CACNA1E: variants seen among roughly 807,000 people sequenced by gnomAD.
CACNA1E encodes voltage-dependent R-type calcium channel subunit alpha-1E.
A neutral mutation model predicts 259.2 loss-of-function variants in CACNA1E; 40 were observed. That is an observed-to-expected ratio of 0.15 (90% CI 0.12 to 0.20). The LOEUF (loss-of-function observed/expected upper bound fraction) is 0.20, where lower values mean the gene tolerates loss of function less well. Among genes scored for constraint, CACNA1E ranks in the 10% least tolerant of loss-of-function variants. The pLI is 1.00. For synonymous variants in CACNA1E, 1,104 were observed against 1,138.5 expected (o/e 0.97, Z 0.61); for missense variants, 1,874 against 3,040.1 (o/e 0.62, Z 9.02).
At chr1:181,788,639 G>A (rs1037356028) in intron 43 of CACNA1E, among the ~76,000 whole-genome samples, 2 of 152,172 alleles carry the variant, frequency 1.3e-5, no homozygotes, top group African/African-American at 4.8e-5. Context: ...AGTTCAGGGA[G>A]CAAAGGGGAA....
Position 181,602,154 on chromosome 1 carries a change from C to T in CACNA1E, c.951+21378C>T, listed in dbSNP as rs114368719. On this transcript the variant is annotated intron_variant, in intron 6 of 47. Transcript: ENST00000367573. ...TTCTCTCCAGAGAGCTTATCACTAGCGACCACAGTATATACTTTGCCTGTT... is the reference window on the plus strand; with the variant it reads ...TTCTCTCCAGAGAGCTTATCACTAGTGACCACAGTATATACTTTGCCTGTT... 6.3e-3 allele frequency among the ~76,000 whole-genome samples: 952 copies of T among 152,298 alleles called. 12 individuals are homozygous for T. The highest frequency in any genetic ancestry group is 0.021 in the African/African-American group (875 of 41,574).
intron 1 of CACNA1E, among the ~76,000 whole-genome samples, chr1:181,372,366 G>A (rs1320532881): frequency 1.3e-5 from 2 of 152,094 alleles, no homozygotes; most frequent in Non-Finnish European, 2.9e-5. Context: ...GCTATTGTGA[G>A]TGGGATTACA....
intron 1 of CACNA1E, among the ~76,000 whole-genome samples, chr1:181,366,824 A>G (rs1654303182): frequency 6.6e-6 from 1 of 152,240 alleles, no homozygotes; most frequent in Non-Finnish European, 1.5e-5. Context: ...AGTGGTAGCT[A>G]TCATCCTTTG....
In CACNA1E at chr1:181,547,235, C is replaced by T. The variant is rs188876243; in HGVS notation, c.513-30531C>T. ...CTCCAGCAGTGCTCATGCCTGCCCC[C>T]GACTCTGGCCACCGATGCCACCTTA... On this transcript the variant is annotated intron_variant, in intron 3 of 47. Transcript: ENST00000367573. Among the ~76,000 whole-genome samples, 417 of 152,116 alleles carry T rather than the reference C, an allele frequency of 2.7e-3. 1 individual carries two copies. The highest frequency in any genetic ancestry group is 8.8e-3 in the African/African-American group (364 of 41,470).
chr1:181,389,494 A>G (rs1416506933), intron 1 of CACNA1E, among the ~76,000 whole-genome samples: 1 of 152,246 alleles, frequency 6.6e-6, no homozygotes, highest in African/African-American at 2.4e-5. Context: ...CTAGTTCACA[A>G]GTACGGAATC....
intron 6 of CACNA1E, among the ~76,000 whole-genome samples, chr1:181,615,978 G>C (rs1006358256): frequency 1.3e-5 from 2 of 152,016 alleles, no homozygotes; most frequent in Admixed American, 1.3e-4. Context: ...TTTTTCTGCA[G>C]CTATTGCACT....
intron 46 of CACNA1E, 112 bp from the exon 47 acceptor site, chr1:181,796,556 C>T (rs1436869295): frequency 2.9e-6 from 2 of 700,586 alleles, no homozygotes; most frequent in Non-Finnish European, 4.5e-6. Flanking sequence ...ACATGTGGTT[C>T]CTCTGAGGGC....
Position 181,794,954 on chromosome 1 carries a change from G to C in CACNA1E, c.6118G>C (p.Glu2040Gln). The C allele has an allele frequency of 6.2e-7, 1 of 1,613,938 alleles. No individual in the cohort carries two copies. Among genetic ancestry groups the C allele is most frequent in the Non-Finnish European group, 8.5e-7 (1 of 1,179,840 alleles). Residue 2040 changes from glutamate to glutamine, a missense_variant, in exon 46 of 48, where the codon GAG (glutamate) becomes CAG (glutamine). Physicochemically the swap from Glu to Gln is conservative, Grantham distance 29. Coordinates refer to ENST00000367573, the MANE Select transcript of CACNA1E (RefSeq NM_001205293.3). ...CTCGTGGTTGGAGGAATTCTCCATG[G>C]AGCGAAGCAGTGAAAATACCTACAA... ...NSSWLEEFSM[E>Q]RSSENTYKSR...
Position 181,657,667 on chromosome 1 carries a change from A to G in CACNA1E, c.1055+6226A>G, listed in dbSNP as rs138670998. 4.0e-3 allele frequency among the ~76,000 whole-genome samples: 615 copies of G among 152,348 alleles called. 3 individuals are homozygous for G. Among genetic ancestry groups the G allele is most frequent in the Admixed American group, 0.015 (235 of 15,294 alleles). On this transcript the variant is annotated intron_variant, in intron 7 of 47. Transcript: ENST00000367573. Reference sequence around the variant, plus strand: ...ATATTCATCTAACATCCGTGGGGGAAGGATTGGCATGGAGAGAGACCAGAT... The same window carrying G: ...ATATTCATCTAACATCCGTGGGGGAGGGATTGGCATGGAGAGAGACCAGAT...
intron 2 of CACNA1E, among the ~76,000 whole-genome samples, chr1:181,461,584 A>AG (rs941925355): frequency 4.6e-5 from 7 of 150,996 alleles, no homozygotes; most frequent in Admixed American, 3.3e-4. Context: ...TCCATTTTAT[A>AG]GATGATAGTT....
intron 18 of CACNA1E, among the ~76,000 whole-genome samples, chr1:181,729,087 A>G (rs1267657191): frequency 1.5e-5 from 1 of 67,828 alleles, no homozygotes; most frequent in Non-Finnish European, 2.8e-5. Context: ...TACACTGCTC[A>G]GGTGTGTGTG....
At chr1:181,759,255 CTT>C (rs1254422719) in intron 32 of CACNA1E, among the ~76,000 whole-genome samples, 1 of 152,204 alleles carries the variant, frequency 6.6e-6, no homozygotes, top group East Asian at 1.9e-4. Context: ...AACTATCTCT[CTT>C]AGCCTCAAAC....
At chr1:181,455,379 G>A (rs909449240) in intron 2 of CACNA1E, among the ~76,000 whole-genome samples, 2 of 152,354 alleles carry the variant, frequency 1.3e-5, no homozygotes, top group South Asian at 2.1e-4. Flanking sequence ...ATTCAATAAT[G>A]TGGAGAGGTT....
At chr1:181,564,167 C>G (rs558406430) in intron 3 of CACNA1E, among the ~76,000 whole-genome samples, 71 of 152,260 alleles carry the variant, frequency 4.7e-4, no homozygotes, top group African/African-American at 1.6e-3. Context: ...TATCCGTTGA[C>G]TCTTCCTTTC....
At chr1:181,384,369 T>A (rs555273615) in intron 1 of CACNA1E, among the ~76,000 whole-genome samples, 24 of 152,308 alleles carry the variant, frequency 1.6e-4, no homozygotes, top group Non-Finnish European at 3.2e-4. Context: ...CCAGTGTCAT[T>A]CTTAGAAGGA....
At chr1:181,421,295 G>C (rs564112820) in intron 2 of CACNA1E, among the ~76,000 whole-genome samples, 1 of 152,284 alleles carries the variant, frequency 6.6e-6, no homozygotes, top group Admixed American at 6.5e-5. Context: ...GTAGAGGAGA[G>C]AAATAATACC....
chr1:181,649,511 C>T (rs1011441545), intron 6 of CACNA1E, among the ~76,000 whole-genome samples: 6 of 152,048 alleles, frequency 3.9e-5, no homozygotes, highest in Admixed American at 3.9e-4. Context: ...TGCTTACAAC[C>T]CAAAGGAATA....
At chr1:181,707,213 A>G (rs1652873517) in intron 7 of CACNA1E, among the ~76,000 whole-genome samples, 1 of 152,266 alleles carries the variant, frequency 6.6e-6, no homozygotes, top group Non-Finnish European at 1.5e-5. Flanking sequence ...AAAGCATCAT[A>G]AAGAAGGTCC....
intron 1 of CACNA1E, among the ~76,000 whole-genome samples, chr1:181,498,342 T>C (rs1664953568): frequency 2.0e-5 from 3 of 152,206 alleles, no homozygotes; most frequent in Admixed American, 2.0e-4. Context: ...AGGCCACCAT[T>C]GTGAAGATTC....
Sources: gnomAD v4.1 joint callset for allele counts (sites outside exome capture counted in the v4.1 genomes callset) on GRCh38, gnomAD v4.1.1 for gene constraint, MANE v1.5 for transcripts, NCBI Gene and HGNC (gene_info 2026-07-23, HGNC 2026-07-21) for gene names.